The following IGF2R variants were observed in gnomAD, a reference collection of about 807,000 sequenced individuals.
The protein encoded by IGF2R is cation-independent mannose-6-phosphate receptor.
A neutral mutation model predicts 270.6 loss-of-function variants in IGF2R; 91 were observed. That is an observed-to-expected ratio of 0.34 (90% confidence interval 0.28 to 0.40). IGF2R has a LOEUF of 0.40. Ranked by LOEUF, IGF2R falls within the 10% of genes least tolerant of loss-of-function variation. The probability of loss-of-function intolerance (pLI) is 1.00; values close to 1 mark genes in which losing one functional copy is unlikely to be tolerated. For synonymous variants in IGF2R, 1,316 were observed against 1,258.9 expected (o/e 1.05, Z -0.96); for missense variants, 2,805 against 3,188.3 (o/e 0.88, Z 2.90).
intron 16 of IGF2R, 38 bp downstream of exon 16, chr6:160,047,374 A>T: frequency 6.7e-7 from 1 of 1,500,390 alleles, no homozygotes; most frequent in Non-Finnish European, 8.9e-7. Flanking sequence ...CCCTGAGGAT[A>T]CTCATGCCTG....
intron 44 of IGF2R, among the ~76,000 whole-genome samples, chr6:160,092,922 G>C (rs1241276874): frequency 6.6e-6 from 1 of 152,198 alleles, no homozygotes; most frequent in Non-Finnish European, 1.5e-5. Context: ...TCCACACAAG[G>C]GTTCCTCACT....
rs372582539 is a variant in IGF2R, at chr6:160,053,700, C to T, written c.2695-2724C>T. ...CATCTCTGGTGTCCTGTATTTATCA[C>T]CAGTATCCATGTCCAGGACTTTTAC... On this transcript the variant is annotated intron_variant, in intron 19 of 47. Coordinates refer to ENST00000356956, the MANE Select transcript of IGF2R (RefSeq NM_000876.4). 1.7e-4 allele frequency among the ~76,000 whole-genome samples: 26 copies of T among 152,242 alleles called. No homozygotes were observed. The South Asian group carries it at 4.4e-3, about 25-fold the overall frequency.
intron 1 of IGF2R, among the ~76,000 whole-genome samples, chr6:159,986,024 A>G (rs1350410663): frequency 1.3e-5 from 2 of 152,040 alleles, no homozygotes; most frequent in East Asian, 1.9e-4. Context: ...ATTTTGTACA[A>G]CTGGGACAAC....
chr6:160,021,427 A>G (rs1777431318), intron 4 of IGF2R, among the ~76,000 whole-genome samples: 2 of 124,742 alleles, frequency 1.6e-5, no homozygotes, highest in Admixed American at 1.0e-4. Context: ...GGAACATCAC[A>G]CACCTGGGAC....
intron 29 of IGF2R, among the ~76,000 whole-genome samples, chr6:160,066,531 T>C (rs916600106): frequency 1.3e-5 from 2 of 152,182 alleles, no homozygotes; most frequent in African/African-American, 4.8e-5. Flanking sequence ...ATAATAAAAG[T>C]TAATATATGT....
rs149168877 is a variant in IGF2R, at chr6:160,041,590, T to A, written c.1480+866T>A. ...ACCTGCACGTTCTCCACATGTATCT[T>A]GTTTTTTTTTAAAGAAAAATAAAAC... On this transcript the variant is annotated intron_variant, in intron 11 of 47. Coordinates refer to ENST00000356956, the MANE Select transcript of IGF2R (RefSeq NM_000876.4). Among the ~76,000 whole-genome samples the A allele has an allele frequency of 6.0e-3, 912 of 152,278 alleles. 9 individuals are homozygous for A. Among genetic ancestry groups the A allele is most frequent in the African/African-American group, 0.021 (872 of 41,524 alleles).
At chr6:160,078,609 A>C (rs768316712) in intron 37 of IGF2R, among the ~76,000 whole-genome samples, 2 of 152,108 alleles carry the variant, frequency 1.3e-5, no homozygotes, top group Non-Finnish European at 2.9e-5. Flanking sequence ...CTTTTTGATG[A>C]TAAGTAACCT....
intron 1 of IGF2R, among the ~76,000 whole-genome samples, chr6:159,987,993 A>G (rs1783914365): frequency 6.6e-6 from 1 of 152,202 alleles, no homozygotes; most frequent in Admixed American, 6.5e-5. Context: ...CTACTCCCAT[A>G]ACCACTTACA....
Position 160,109,142 on chromosome 6 carries a change from A to G in IGF2R, c.*4058A>G, listed in dbSNP as rs1287694063. 1 of 152,264 alleles carries G rather than the reference A, an allele frequency of 6.6e-6. No homozygotes were observed. Among genetic ancestry groups the G allele is most frequent in the African/African-American group, 2.4e-5 (1 of 41,472 alleles). 9.4% of individuals were successfully genotyped at this position (152,264 alleles called of 1,614,324 possible). ...GTTTTGATGCTCAGTGTTTGAGGGA[A>G]ACACAATCTAGTGAATGGGGTTATT... On this transcript the variant is annotated 3_prime_UTR_variant, in exon 48 of 48. Transcript: ENST00000356956.
chr6:160,081,816 C>T (rs145904713), intron 39 of IGF2R, among the ~76,000 whole-genome samples: 1,604 of 152,290 alleles, frequency 0.011, 22 homozygotes, highest in Middle Eastern at 0.027. Flanking sequence ...CTGTCCTCAC[C>T]GGCCCACAGT....
chr6:159,969,998 C>T (rs536383805), intron 1 of IGF2R, among the ~76,000 whole-genome samples: 83 of 151,924 alleles, frequency 5.5e-4, no homozygotes, highest in Non-Finnish European at 1.0e-3. Flanking sequence ...AGATTGGGGG[C>T]AGGGGGTGTC....
At chr6:160,016,628 A>G (rs962782991) in intron 4 of IGF2R, among the ~76,000 whole-genome samples, 4 of 152,220 alleles carry the variant, frequency 2.6e-5, no homozygotes, top group Non-Finnish European at 4.4e-5. Flanking sequence ...GGCAGGAGAC[A>G]AGCTTTCCAT....
intron 26 of IGF2R, 138 bp downstream of exon 26, chr6:160,062,757 C>T (rs1261244289): frequency 1.8e-6 from 1 of 569,332 alleles, no homozygotes; most frequent in South Asian, 2.6e-5. Context: ...AGGATAATTT[C>T]TTTTCCTTGA....
At chr6:160,066,626 C>G (rs1778591212) in intron 29 of IGF2R, among the ~76,000 whole-genome samples, 1 of 152,122 alleles carries the variant, frequency 6.6e-6, no homozygotes, top group Non-Finnish European at 1.5e-5. Context: ...CTTCACTCCA[C>G]TTTTTACTGT....
At chr6:160,096,282 C>T in intron 44 of IGF2R, 157 bp from the exon 45 acceptor site, 1 of 627,030 alleles carries the variant, frequency 1.6e-6, no homozygotes, top group South Asian at 2.2e-5. Context: ...ATCGAGTGGC[C>T]TCGTAAGCTG....
intron 29 of IGF2R, among the ~76,000 whole-genome samples, chr6:160,066,410 C>G (rs1011296197): frequency 6.6e-6 from 1 of 152,098 alleles, no homozygotes; most frequent in African/African-American, 2.4e-5. Context: ...GCCTTGGCCT[C>G]CCAAAGTGCT....
chr6:160,014,575 G>A (rs372302675), intron 4 of IGF2R, among the ~76,000 whole-genome samples: 6 of 152,218 alleles, frequency 3.9e-5, no homozygotes, highest in African/African-American at 1.4e-4. Flanking sequence ...AAATGCAGCT[G>A]TTTTCAGAAT....
chr6:160,021,167 A>G (rs1229366589), intron 4 of IGF2R, among the ~76,000 whole-genome samples: 1 of 152,128 alleles, frequency 6.6e-6, no homozygotes, highest in Non-Finnish European at 1.5e-5. Flanking sequence ...TAAAGAAGAC[A>G]TACAAATGGC....
At chr6:160,075,115 C>T (rs1161069836) in intron 35 of IGF2R, among the ~76,000 whole-genome samples, 1 of 151,204 alleles carries the variant, frequency 6.6e-6, no homozygotes, top group Admixed American at 6.7e-5. Context: ...CTCACACCCA[C>T]ATGCACACAC....
Sources: gnomAD v4.1 joint callset for allele counts (sites outside exome capture counted in the v4.1 genomes callset) on GRCh38, gnomAD v4.1.1 for gene constraint, MANE v1.5 for transcripts, NCBI Gene and HGNC (gene_info 2026-07-23, HGNC 2026-07-21) for gene names.